The following RPRD2 variants were observed in gnomAD, a reference collection of about 807,000 sequenced individuals.
RPRD2 encodes the protein regulation of nuclear pre-mRNA domain containing 2.
Under a neutral mutation model 104.4 loss-of-function variants are expected in RPRD2, and 12 were observed. That is an observed-to-expected ratio of 0.11 (90% CI 0.07 to 0.19). The LOEUF (loss-of-function observed/expected upper bound fraction) is 0.19. RPRD2 is among the 10% of genes least tolerant of loss of function. RPRD2 has a pLI of 1.00. For synonymous variants in RPRD2, 714 were observed against 684.9 expected (o/e 1.04, Z -0.66); for missense variants, 1,543 against 1,790.1 (o/e 0.86, Z 2.49).
At chr1:150,376,229 G>T (rs1406242167) in intron 1 of RPRD2, among the ~76,000 whole-genome samples, 2 of 152,088 alleles carry the variant, frequency 1.3e-5, no homozygotes, top group Non-Finnish European at 2.9e-5. Flanking sequence ...TTGAGGCCTT[G>T]ATCTCTCCCT....
chr1:150,457,596 A>G (rs782289496), intron 8 of RPRD2, 26 bp downstream of exon 8: 19 of 1,599,388 alleles, frequency 1.2e-5, no homozygotes, highest in Non-Finnish European at 1.6e-5. Flanking sequence ...ATTAATAGAC[A>G]ACTTATTCCT....
intron 5 of RPRD2, 34 bp downstream of exon 5, chr1:150,443,317 A>G: frequency 7.2e-7 from 1 of 1,384,632 alleles, no homozygotes; most frequent in Non-Finnish European, 1.0e-6. Flanking sequence ...ATAGCAAAGT[A>G]TTATTCACCC....
intron 2 of RPRD2, among the ~76,000 whole-genome samples, chr1:150,420,437 C>T (rs1316148627): frequency 1.3e-5 from 2 of 152,120 alleles, no homozygotes; most frequent in South Asian, 2.1e-4. Context: ...AAACATGATA[C>T]GTAATGATGA....
In RPRD2 at chr1:150,391,114, C is replaced by T. The variant is rs185759479; in HGVS notation, c.205+26195C>T. 2.0e-4 allele frequency among the ~76,000 whole-genome samples: 30 copies of T among 152,106 alleles called. No homozygotes were observed. In the East Asian group the frequency reaches 5.8e-3, roughly 29 times the overall value. On this transcript the variant is annotated intron_variant, in intron 1 of 10. Coordinates refer to ENST00000369068, the MANE Select transcript of RPRD2 (RefSeq NM_015203.5). ...ATAATTATAGATTATTAATTACTTA[C>T]AAAGGAATGACAGATTGATAACTAT...
At chr1:150,464,382 A>G in intron 9 of RPRD2, 145 bp from the exon 10 acceptor site, 1 of 339,642 alleles carries the variant, frequency 2.9e-6, no homozygotes, top group Non-Finnish European at 4.8e-6. Context: ...TTTTTTTTGT[A>G]CATGTCATGT....
intron 6 of RPRD2, among the ~76,000 whole-genome samples, chr1:150,445,186 A>G (rs1304415539): frequency 6.6e-6 from 1 of 152,158 alleles, no homozygotes; most frequent in Non-Finnish European, 1.5e-5. Flanking sequence ...TCTAAAGAAA[A>G]ATTTTTTAAA....
intron 1 of RPRD2, chr1:150,408,776 C>T (rs1444262949): frequency 2.6e-5 from 4 of 152,178 alleles, no homozygotes; most frequent in Non-Finnish European, 5.9e-5. Flanking sequence ...CTTTAGGTTG[C>T]TTCTAGTTTT....
intron 2 of RPRD2, among the ~76,000 whole-genome samples, chr1:150,433,842 T>TTA (rs1372525356): frequency 1.4e-5 from 2 of 146,036 alleles, no homozygotes; most frequent in East Asian, 3.9e-4. Flanking sequence ...ACATAATATG[T>TTA]TATATATATG....
At chr1:150,377,819 A>T (rs1309840629) in intron 1 of RPRD2, among the ~76,000 whole-genome samples, 1 of 152,032 alleles carries the variant, frequency 6.6e-6, no homozygotes, top group East Asian at 1.9e-4. Context: ...TGAATTTGTA[A>T]ATTTATAAAA....
At chr1:150,377,212 AAAAAAAAG>A (rs1374018751) in intron 1 of RPRD2, among the ~76,000 whole-genome samples, 7 of 151,960 alleles carry the variant, frequency 4.6e-5, no homozygotes, top group African/African-American at 1.4e-4. Context: ...TATCTCCAGA[AAAAAAAAG>A]AAAAAAAGAA....
At chr1:150,373,011 CT>C (rs1204634877) in intron 1 of RPRD2, among the ~76,000 whole-genome samples, 1 of 149,854 alleles carries the variant, frequency 6.7e-6, no homozygotes, top group Non-Finnish European at 1.5e-5. Context: ...GAGATGAACT[CT>C]TTTTTTTTCT....
intron 1 of RPRD2, among the ~76,000 whole-genome samples, chr1:150,384,830 T>C (rs1661444693): frequency 6.6e-6 from 1 of 151,940 alleles, no homozygotes; most frequent in Admixed American, 6.6e-5. Flanking sequence ...TTTAAGACAT[T>C]AAGAGTTGTG....
intron 2 of RPRD2, among the ~76,000 whole-genome samples, chr1:150,433,408 C>T (rs1397104788): frequency 1.1e-4 from 13 of 122,856 alleles, no homozygotes; most frequent in Non-Finnish European, 2.3e-4. Flanking sequence ...TATATATATA[C>T]TATATATACA....
intron 8 of RPRD2, 101 bp downstream of exon 8, chr1:150,457,671 T>G (rs1667629776): frequency 9.8e-7 from 1 of 1,021,638 alleles, no homozygotes; most frequent in Non-Finnish European, 1.5e-6. Context: ...GTTCATTTCT[T>G]AAAAGATAGA....
rs370218168 is a variant in RPRD2 at position 150,471,795 on chromosome 1, A to G, written c.2847A>G (p.Gln949=). ...ACTCCAACCACAATAGCTTGTCTCAATCTACCACTGGGCATCTCAGTTTGC... is the reference window on the plus strand; with the variant it reads ...ACTCCAACCACAATAGCTTGTCTCAGTCTACCACTGGGCATCTCAGTTTGC... ...TPDSNHNSLS[Q]STTGHLSLPQ... Residue 949 remains glutamine (Q), a synonymous_variant, in exon 11 of 11, where the codon CAA becomes CAG. Transcript: ENST00000369068. This position sits in a 1 kb window ranked among gnomAD's most constrained non-coding sequence, Gnocchi z 5.3. The G allele has an allele frequency of 1.2e-4, 189 of 1,613,862 alleles. No homozygotes were observed. The highest frequency in any genetic ancestry group is 5.5e-4 in the African/African-American group (41 of 74,990).
At chr1:150,371,317 G>T (rs1660282542) in intron 1 of RPRD2, among the ~76,000 whole-genome samples, 1 of 152,144 alleles carries the variant, frequency 6.6e-6, no homozygotes, top group African/African-American at 2.4e-5. Flanking sequence ...GTATTATTAT[G>T]ATCTCCATTT....
intron 1 of RPRD2, among the ~76,000 whole-genome samples, chr1:150,409,735 G>A (rs1044693660): frequency 2.1e-5 from 3 of 141,008 alleles, no homozygotes; most frequent in African/African-American, 7.8e-5. Flanking sequence ...TGTAACCTCC[G>A]CCTCTGGGTT....
At chr1:150,463,811 G>A (rs906479720) in intron 9 of RPRD2, among the ~76,000 whole-genome samples, 3 of 152,166 alleles carry the variant, frequency 2.0e-5, no homozygotes, top group South Asian at 2.1e-4. Flanking sequence ...TTTATTGAGC[G>A]CCTACAGGGC....
chr1:150,418,694 T>C (rs77663424), intron 2 of RPRD2, among the ~76,000 whole-genome samples: 5,182 of 152,214 alleles, frequency 0.034, 298 homozygotes, highest in African/African-American at 0.12. Flanking sequence ...TTATTTCTTT[T>C]TGGAGCTTTA....
Sources: allele counts gnomAD v4.1 joint callset (sites outside exome capture counted in the v4.1 genomes callset), GRCh38; gene constraint gnomAD v4.1.1; non-coding constraint Gnocchi (gnomAD v3.1); transcripts MANE v1.5; gene names NCBI Gene and HGNC (gene_info 2026-07-23, HGNC 2026-07-21).